HS6ST3: variants seen among roughly 807,000 people sequenced by gnomAD.
HS6ST3 encodes heparan sulfate 6-O-sulfotransferase 3.
In HS6ST3, 12 loss-of-function variants were observed where a neutral mutation model predicts 36.7. That is an observed-to-expected ratio of 0.33 (90% confidence interval 0.21 to 0.53). The LOEUF (loss-of-function observed/expected upper bound fraction) is 0.53. HS6ST3 is among the 20% of genes least tolerant of loss of function. The pLI is 0.95. For missense variants in HS6ST3, 584 were observed against 640.9 expected (o/e 0.91, Z 0.96); for synonymous variants, 240 against 257.5 (o/e 0.93, Z 0.65).
intron 1 of HS6ST3, among the ~76,000 whole-genome samples, chr13:96,237,420 A>G (rs1206459015): frequency 6.6e-6 from 1 of 151,276 alleles, no homozygotes; most frequent in Non-Finnish European, 1.5e-5. Flanking sequence ...TATCAAAGCC[A>G]GTTCTTTTAT....
chr13:96,109,258 A>G (rs752166875), intron 1 of HS6ST3, among the ~76,000 whole-genome samples: 2 of 152,100 alleles, frequency 1.3e-5, no homozygotes, highest in South Asian at 2.1e-4. Flanking sequence ...GAGTCTGACT[A>G]TTGGATGTGA....
chr13:96,540,622 G>T (rs2056174061), intron 1 of HS6ST3, among the ~76,000 whole-genome samples: 1 of 152,144 alleles, frequency 6.6e-6, no homozygotes, highest in Non-Finnish European at 1.5e-5. Flanking sequence ...GTCTTAACTT[G>T]ATATTTTAAG....
intron 1 of HS6ST3, among the ~76,000 whole-genome samples, chr13:96,486,253 G>C (rs1368292210): frequency 6.6e-6 from 1 of 151,868 alleles, no homozygotes; most frequent in Non-Finnish European, 1.5e-5. Flanking sequence ...TTTTCTTGAT[G>C]CAGTCTATCA....
intron 1 of HS6ST3, among the ~76,000 whole-genome samples, chr13:96,763,840 A>C (rs924082690): frequency 1.3e-5 from 2 of 152,228 alleles, no homozygotes; most frequent in Non-Finnish European, 2.9e-5. Context: ...ATAAGTACAC[A>C]GGAAAAAAAT....
chr13:96,173,312 T>A (rs971089795), intron 1 of HS6ST3, among the ~76,000 whole-genome samples: 4 of 152,092 alleles, frequency 2.6e-5, no homozygotes, highest in Non-Finnish European at 5.9e-5. Flanking sequence ...TTAGCAAAGA[T>A]CCTTCCTAGG....
intron 1 of HS6ST3, among the ~76,000 whole-genome samples, chr13:96,221,558 G>A (rs2054455507): frequency 6.6e-6 from 1 of 152,122 alleles, no homozygotes; most frequent in South Asian, 2.1e-4. Context: ...ACAGTTAGAT[G>A]CAGGTGAGTG....
chr13:96,090,975 G>C lies in HS6ST3; in HGVS notation c.113G>C (p.Gly38Ala). 1.4e-6 allele frequency: 2 copies of C among 1,405,466 alleles called. No individual in the cohort carries two copies. The highest frequency in any genetic ancestry group is 1.9e-6 in the Non-Finnish European group (2 of 1,069,070). 87.1% of individuals were successfully genotyped at this position (1,405,466 alleles called of 1,614,324 possible). Reference protein sequence around the residue: ...PSCTSSCTNFGEQPRAGEAGP... With the variant: ...PSCTSSCTNFAEQPRAGEAGP... Reference sequence around the variant, plus strand: ...TGCACCAGCTCCTGCACCAACTTCGGGGAGCAGCCCCGCGCGGGGGAGGCC... The same window carrying C: ...TGCACCAGCTCCTGCACCAACTTCGCGGAGCAGCCCCGCGCGGGGGAGGCC... Residue 38 changes from glycine to alanine, a missense_variant, in exon 1 of 2, where the codon GGG becomes GCG. Gly to Ala is a moderately conservative substitution (Grantham distance 60, BLOSUM62 0). Coordinates refer to ENST00000376705, the MANE Select transcript of HS6ST3 (RefSeq NM_153456.4).
At chr13:96,742,413 T>C (rs564522008) in intron 1 of HS6ST3, among the ~76,000 whole-genome samples, 1 of 152,202 alleles carries the variant, frequency 6.6e-6, no homozygotes, top group East Asian at 1.9e-4. Flanking sequence ...TTCAGCTATA[T>C]TCTAAGTGAT....
intron 1 of HS6ST3, among the ~76,000 whole-genome samples, chr13:96,803,409 G>A (rs942764769): frequency 6.6e-6 from 1 of 152,142 alleles, no homozygotes; most frequent in Non-Finnish European, 1.5e-5. Flanking sequence ...GGCCACTAGA[G>A]CAACATTTGC....
At chr13:96,693,413 T>C (rs1875030334) in intron 1 of HS6ST3, among the ~76,000 whole-genome samples, 1 of 152,154 alleles carries the variant, frequency 6.6e-6, no homozygotes, top group Non-Finnish European at 1.5e-5. Flanking sequence ...CAAGGAATTC[T>C]CTTGCCTCAG....
At chr13:96,681,736 T>G (rs1312592489) in intron 1 of HS6ST3, among the ~76,000 whole-genome samples, 3 of 151,974 alleles carry the variant, frequency 2.0e-5, no homozygotes, top group Non-Finnish European at 4.4e-5. Flanking sequence ...TACTCCCACC[T>G]CCCCCTTTTC....
At chr13:96,742,141 A>G (rs1876456857) in intron 1 of HS6ST3, among the ~76,000 whole-genome samples, 1 of 152,172 alleles carries the variant, frequency 6.6e-6, no homozygotes, top group African/African-American at 2.4e-5. Flanking sequence ...ACATAATATA[A>G]GTGGCTATGA....
chr13:96,379,406 A>C (rs1327536781), intron 1 of HS6ST3, among the ~76,000 whole-genome samples: 1 of 152,214 alleles, frequency 6.6e-6, no homozygotes, highest in Non-Finnish European at 1.5e-5. Context: ...CTGCGAGGAC[A>C]CAGTGAGAAG....
intron 1 of HS6ST3, among the ~76,000 whole-genome samples, chr13:96,454,905 G>C (rs1594783933): frequency 1.3e-5 from 2 of 149,662 alleles, no homozygotes; most frequent in Admixed American, 6.7e-5. Flanking sequence ...CTTTATGCCA[G>C]CCAAGCAGAA....
Position 96,779,533 on chromosome 13 carries a change from T to C in HS6ST3, c.708-52957T>C, listed in dbSNP as rs529844310. On this transcript the variant is annotated intron_variant, in intron 1 of 1. Transcript: ENST00000376705. ...GGTCATGTGGAGGGAAGACCATGAATTGAGGGATCTGGACATTTTGTGGAT... is the reference window on the plus strand; with the variant it reads ...GGTCATGTGGAGGGAAGACCATGAACTGAGGGATCTGGACATTTTGTGGAT... Among the ~76,000 whole-genome samples the C allele has an allele frequency of 3.3e-5, 5 of 152,014 alleles. No homozygotes were observed. In the East Asian group the frequency reaches 9.7e-4, roughly 29 times the overall value.
intron 1 of HS6ST3, among the ~76,000 whole-genome samples, chr13:96,616,823 G>A (rs2056475864): frequency 6.6e-6 from 1 of 152,156 alleles, no homozygotes; most frequent in Non-Finnish European, 1.5e-5. Flanking sequence ...TTATTAATTT[G>A]TGTTTCCTTT....
chr13:96,090,769 C>T lies in HS6ST3; in HGVS notation c.-94C>T. ...CATGGAGGAACGGCGGGCTCCGAGCCGCGCCCCGGAGTCCGCGAAACTTCC... is the reference window on the plus strand; with the variant it reads ...CATGGAGGAACGGCGGGCTCCGAGCTGCGCCCCGGAGTCCGCGAAACTTCC... On this transcript the variant is annotated 5_prime_UTR_variant, in exon 1 of 2. Transcript: ENST00000376705. 9.3e-7 allele frequency: 1 copy of T among 1,072,572 alleles called. No homozygotes were observed. The highest frequency in any genetic ancestry group is 1.2e-6 in the Non-Finnish European group (1 of 830,176). The allele number at this position is 1,072,572 out of a possible 1,614,324, so 66.4% of individuals were successfully genotyped here. A position where few individuals can be genotyped will look rare whatever the true frequency, so the allele number is the denominator to read the frequency against.
At position 96,175,756 on chromosome 13, in the gene HS6ST3, C is replaced by T. The variant is rs201425243; in HGVS notation, c.707+84187C>T. 8.7e-5 allele frequency among the ~76,000 whole-genome samples: 13 copies of T among 149,620 alleles called. No individual in the cohort carries two copies. In the South Asian group the frequency reaches 1.7e-3, roughly 19 times the overall value. On this transcript the variant is annotated intron_variant, in intron 1 of 1. Coordinates refer to ENST00000376705, the MANE Select transcript of HS6ST3 (RefSeq NM_153456.4). ...TCTCTTACTTCTCACATCTTCAAAG[C>T]GGTTTATTCTTGTTTTATGGCTGCA...
intron 1 of HS6ST3, among the ~76,000 whole-genome samples, chr13:96,764,075 G>A (rs114275859): frequency 5.8e-4 from 88 of 152,210 alleles, no homozygotes; most frequent in African/African-American, 1.9e-3. Context: ...TTAATTTAAC[G>A]TTTACTCACA....
Sources: gnomAD v4.1 joint callset for allele counts (sites outside exome capture counted in the v4.1 genomes callset) on GRCh38, gnomAD v4.1.1 for gene constraint, MANE v1.5 for transcripts, NCBI Gene and HGNC (gene_info 2026-07-23, HGNC 2026-07-21) for gene names.